Variants in THOP1 observed in about 807,000 individuals in gnomAD.
The protein encoded by THOP1 is thimet oligopeptidase.
THOP1 carries 49 observed loss-of-function variants against 71.8 expected under a neutral mutation model. The ratio of observed to expected loss-of-function variants is 0.68; its 90% CI spans 0.54 to 0.87. The LOEUF (loss-of-function observed/expected upper bound fraction) is 0.87, where lower values mean the gene tolerates loss of function less well. Among genes scored for constraint, THOP1 ranks in the 40% least tolerant of loss-of-function variants. The pLI is 0.00. For synonymous variants in THOP1, 426 were observed against 421.5 expected (o/e 1.01, Z -0.13); for missense variants, 843 against 975.6 (o/e 0.86, Z 1.81).
chr19:2,785,708 G>C, intron 1 of THOP1, 30 bp downstream of exon 1: 1 of 1,427,930 alleles, frequency 7.0e-7, no homozygotes, highest in Non-Finnish European at 9.2e-7. Flanking sequence ...CCGGACCCGG[G>C]CGTCCCCTGC....
At position 2,811,731 on chromosome 19, in the gene THOP1, C is replaced by T; in HGVS notation, c.1905C>T (p.Ser635=). The change falls in exon 12 of 13, where the codon AGC becomes AGT. Residue 635 remains serine (S), a synonymous_variant. Coordinates refer to ENST00000307741, the MANE Select transcript of THOP1 (RefSeq NM_003249.5). ...TRFKQEGVLN[S]KVGMDYRSCI... ...TCAAGCAGGAGGGTGTCCTGAACAG[C>T]AAGGTACGCGGGGACTGGGGACAGG... is the stretch of plus-strand genomic sequence containing the variant. 6.3e-7 allele frequency: 1 copy of T among 1,595,500 alleles called. No individual in the cohort carries two copies. Among genetic ancestry groups the T allele is most frequent in the Non-Finnish European group, 8.5e-7 (1 of 1,171,582 alleles).
intron 5 of THOP1, among the ~76,000 whole-genome samples, chr19:2,803,691 C>T (rs145285845): frequency 6.6e-6 from 1 of 152,176 alleles, no homozygotes; most frequent in African/African-American, 2.4e-5. Context: ...AGGCCTCCCC[C>T]TCATGCTGCA....
At chr19:2,786,626 G>T (rs1045582308) in intron 1 of THOP1, among the ~76,000 whole-genome samples, 2 of 152,088 alleles carry the variant, frequency 1.3e-5, no homozygotes, top group Non-Finnish European at 2.9e-5. Flanking sequence ...GAGACAGTCT[G>T]TGTCTCCCAG....
At chr19:2,802,160 TCTCCAACACCGCCAC>T (rs1366853582) in intron 5 of THOP1, among the ~76,000 whole-genome samples, 1 of 145,644 alleles carries the variant, frequency 6.9e-6, no homozygotes, top group East Asian at 2.1e-4. Flanking sequence ...AACACCACCA[TCTCCAACACCGCCAC>T]CTCCAACACC....
chr19:2,795,998 C>A, intron 3 of THOP1, 83 bp from the exon 4 acceptor site: 1 of 1,077,406 alleles, frequency 9.3e-7, no homozygotes, highest in South Asian at 1.3e-5. Context: ...GCCGGATGAT[C>A]AGGTTTTTAA....
chr19:2,786,204 A>G (rs1366314297), intron 1 of THOP1, among the ~76,000 whole-genome samples: 1 of 152,022 alleles, frequency 6.6e-6, no homozygotes, highest in Non-Finnish European at 1.5e-5. Flanking sequence ...GGGAGGAGGG[A>G]ACGTGTTTGG....
chr19:2,805,309 GC>G lies in THOP1; in HGVS notation c.750+135del. The G allele has an allele frequency of 9.3e-7, 1 of 1,079,328 alleles. No individual in the cohort carries two copies. The highest frequency in any genetic ancestry group is 1.3e-6 in the Non-Finnish European group (1 of 773,070). 66.9% of individuals were successfully genotyped at this position (1,079,328 alleles called of 1,614,324 possible). ...CCAATCTCCCTGGCCAGGCCCAGTG[GC>G]CAGCAGAGGCCTCCCTGTGGGGCTC... On this transcript the variant is annotated intron_variant, in intron 6 of 12. Transcript: ENST00000307741. The surrounding 1 kb of genome is among the most constrained non-coding windows in gnomAD (Gnocchi z 6.6).
At chr19:2,792,632 T>A (rs1915914259) in intron 2 of THOP1, among the ~76,000 whole-genome samples, 1 of 151,866 alleles carries the variant, frequency 6.6e-6, no homozygotes, top group Non-Finnish European at 1.5e-5. Flanking sequence ...TAAAAAAAAT[T>A]ATTATTATTA....
At chr19:2,799,830 C>A in intron 5 of THOP1, 39 bp downstream of exon 5, 1 of 1,575,064 alleles carries the variant, frequency 6.3e-7, no homozygotes, top group South Asian at 1.1e-5. Flanking sequence ...GCCATCGGTC[C>A]TGGGACTCAG....
At chr19:2,808,094 G>A (rs1024110863) in intron 8 of THOP1, 149 bp from the exon 9 acceptor site, 9 of 981,294 alleles carry the variant, frequency 9.2e-6, no homozygotes, top group South Asian at 1.5e-5. Context: ...GCTGCCCTGC[G>A]CCAAGCCACC....
chr19:2,790,903 C>T (rs868650056), intron 2 of THOP1, among the ~76,000 whole-genome samples: 3 of 152,228 alleles, frequency 2.0e-5, no homozygotes, highest in Admixed American at 6.6e-5. Flanking sequence ...TTCACAGCCT[C>T]GTCCATTCAA....
At chr19:2,795,995 G>A in intron 3 of THOP1, 86 bp from the exon 4 acceptor site, 2 of 1,025,532 alleles carry the variant, frequency 2.0e-6, no homozygotes, top group East Asian at 2.6e-5. Context: ...GGGGCCGGAT[G>A]ATCAGGTTTT....
At chr19:2,811,761 G>T in intron 12 of THOP1, 27 bp downstream of exon 12, 2 of 1,567,316 alleles carry the variant, frequency 1.3e-6, no homozygotes, top group Non-Finnish European at 8.7e-7. Flanking sequence ...GACAGGGAGG[G>T]CGTCCTGAAC....
chr19:2,805,483 C>G lies in THOP1; in HGVS notation c.750+307C>G, dbSNP rs1916267533. Among the ~76,000 whole-genome samples the G allele has an allele frequency of 6.6e-6, 1 of 152,212 alleles. No homozygotes were observed. The highest frequency in any genetic ancestry group is 2.1e-4 in the South Asian group (1 of 4,836). ...CGTCTCGTCCCTCCCTTATCTGGAG[C>G]CGCCCCTCAGGTGTGTCAGCCCAGA... On this transcript the variant is annotated intron_variant, in intron 6 of 12. Coordinates refer to ENST00000307741, the MANE Select transcript of THOP1 (RefSeq NM_003249.5). This position sits in a 1 kb window ranked among gnomAD's most constrained non-coding sequence, Gnocchi z 6.6.
chr19:2,798,348 C>T (rs960039372), intron 4 of THOP1, among the ~76,000 whole-genome samples: 18 of 152,174 alleles, frequency 1.2e-4, no homozygotes, highest in African/African-American at 4.1e-4. Context: ...AAAACCCCTT[C>T]GGCTTGTTGC....
At position 2,801,522 on chromosome 19, in the gene THOP1, C is replaced by CGCT. The variant is rs1243817855; in HGVS notation, c.589+1740_589+1742dup. Among the ~76,000 whole-genome samples, 1 of 152,112 alleles carries CGCT rather than the reference C, an allele frequency of 6.6e-6. No homozygotes were observed. The highest frequency in any genetic ancestry group is 2.4e-5 in the African/African-American group (1 of 41,416). The stretch of plus-strand genomic sequence containing the variant: ...TTGGGTGACAGTCTCCAGGGCTGTC[C>CGCT]GCTGCTGCTGCCCCGGGACCTGTTT... On this transcript the variant is annotated intron_variant, in intron 5 of 12. Transcript: ENST00000307741. This position sits in a 1 kb window ranked among gnomAD's most constrained non-coding sequence, Gnocchi z 5.1.
chr19:2,810,608 A>G (rs1238693541), intron 10 of THOP1, 32 bp from the exon 11 acceptor site: 1 of 1,542,622 alleles, frequency 6.5e-7, no homozygotes, highest in East Asian at 2.4e-5. Context: ...GGGCAGGTGC[A>G]GAGGCCAGCT....
chr19:2,811,497 G>C (rs954609889), intron 11 of THOP1, 101 bp from the exon 12 acceptor site: 1 of 1,474,674 alleles, frequency 6.8e-7, no homozygotes, highest in Non-Finnish European at 9.1e-7. Context: ...GCTTCTCCCT[G>C]TTCCGGGCAG....
intron 2 of THOP1, among the ~76,000 whole-genome samples, chr19:2,793,307 G>A (rs1316479006): frequency 6.6e-6 from 1 of 152,066 alleles, no homozygotes; most frequent in East Asian, 1.9e-4. Context: ...ACCCTTAAGT[G>A]GTCACGCTCC....
Sources: allele counts gnomAD v4.1 joint callset (sites outside exome capture counted in the v4.1 genomes callset), GRCh38; gene constraint gnomAD v4.1.1; non-coding constraint Gnocchi (gnomAD v3.1); transcripts MANE v1.5; gene names NCBI Gene and HGNC (gene_info 2026-07-23, HGNC 2026-07-21).